Variants in DYRK1A observed in about 807,000 individuals in gnomAD.
DYRK1A encodes the protein dual specificity tyrosine-phosphorylation-regulated kinase 1A.
A neutral mutation model predicts 79.7 loss-of-function variants in DYRK1A; 9 were observed. The ratio of observed to expected loss-of-function variants is 0.11; its 90% CI spans 0.07 to 0.20. The LOEUF is 0.20. DYRK1A is among the 10% of genes least tolerant of loss of function. The pLI is 1.00. For missense variants in DYRK1A, 622 were observed against 956.0 expected (o/e 0.65, Z 4.61); for synonymous variants, 349 against 329.7 (o/e 1.06, Z -0.63).
chr21:37,414,750 C>T (rs73216447), intron 1 of DYRK1A, among the ~76,000 whole-genome samples: 11,465 of 152,028 alleles, frequency 0.075, 643 homozygotes, highest in Non-Finnish European at 0.11. Flanking sequence ...AGTTAGGTTC[C>T]CGAAAAGCTC....
intron 9 of DYRK1A, chr21:37,501,662 C>T (rs909969115): frequency 2.6e-5 from 4 of 152,140 alleles, no homozygotes; most frequent in African/African-American, 9.7e-5. Flanking sequence ...TGTTTTATGG[C>T]CTAGCATCTA....
chr21:37,449,899 A>G (rs1314179353), intron 2 of DYRK1A, among the ~76,000 whole-genome samples: 1 of 152,174 alleles, frequency 6.6e-6, no homozygotes, highest in Non-Finnish European at 1.5e-5. Flanking sequence ...AACAAATGTA[A>G]TGGAAGGCTA....
chr21:37,378,312 C>A (rs1272055499), intron 1 of DYRK1A, among the ~76,000 whole-genome samples: 1 of 152,194 alleles, frequency 6.6e-6, no homozygotes, highest in Non-Finnish European at 1.5e-5. Flanking sequence ...GTGGGCTGAT[C>A]ACCTGAGGTT....
intron 1 of DYRK1A, among the ~76,000 whole-genome samples, chr21:37,394,107 A>G (rs2049917476): frequency 6.6e-6 from 1 of 152,120 alleles, no homozygotes; most frequent in Non-Finnish European, 1.5e-5. Context: ...ACATGAACCA[A>G]GTCTCTTTCT....
chr21:37,450,518 T>C (rs1157175924), intron 2 of DYRK1A, among the ~76,000 whole-genome samples: 8 of 152,336 alleles, frequency 5.3e-5, no homozygotes, highest in East Asian at 3.9e-4. Flanking sequence ...AATAAATATT[T>C]AGTAAGTGCC....
chr21:37,480,158 TG>T (rs1437573510), intron 4 of DYRK1A, among the ~76,000 whole-genome samples: 2 of 152,186 alleles, frequency 1.3e-5, no homozygotes, highest in Non-Finnish European at 2.9e-5. Flanking sequence ...AATAAATTCA[TG>T]CAAGTTACAG....
At chr21:37,469,209 A>G (rs2052137382) in intron 2 of DYRK1A, among the ~76,000 whole-genome samples, 1 of 152,190 alleles carries the variant, frequency 6.6e-6, no homozygotes, top group Admixed American at 6.5e-5. Flanking sequence ...ATAAACTGCT[A>G]GTGGATAAAT....
chr21:37,493,242 T>C, intron 8 of DYRK1A, 79 bp downstream of exon 8: 1 of 1,450,652 alleles, frequency 6.9e-7, no homozygotes, highest in South Asian at 1.4e-5. Context: ...AATTTAAAAG[T>C]TGTTTTTAGG....
intron 2 of DYRK1A, among the ~76,000 whole-genome samples, chr21:37,433,153 A>G (rs1034132405): frequency 1.3e-5 from 2 of 151,744 alleles, no homozygotes; most frequent in African/African-American, 4.8e-5. Flanking sequence ...ACTTTTTGGT[A>G]CTTTCCTAAA....
At chr21:37,498,017 A>T (rs1233956719) in intron 9 of DYRK1A, among the ~76,000 whole-genome samples, 1 of 152,222 alleles carries the variant, frequency 6.6e-6, no homozygotes, top group Non-Finnish European at 1.5e-5. Flanking sequence ...TACAAATGGT[A>T]CACTAAGAAT....
At chr21:37,423,323 C>T (rs2050527698) in intron 2 of DYRK1A, among the ~76,000 whole-genome samples, 1 of 152,156 alleles carries the variant, frequency 6.6e-6, no homozygotes, top group Admixed American at 6.6e-5. Flanking sequence ...CCTCCTCCCC[C>T]ATTCAGTCCT....
In DYRK1A at chr21:37,477,731, T is replaced by A. The variant is rs117950500; in HGVS notation, c.208-477T>A. ...AATGGTGCTCTGCTGCCAGCCCCCT[T>A]TTTTGGTGCCAGCTGGGTCCTGAAA... On this transcript the variant is annotated intron_variant, in intron 3 of 11. Transcript: ENST00000647188. Among the ~76,000 whole-genome samples the A allele has an allele frequency of 2.2e-4, 33 of 152,228 alleles. 1 individual carries two copies. The East Asian group carries it at 5.8e-3, about 27-fold the overall frequency.
intron 1 of DYRK1A, among the ~76,000 whole-genome samples, chr21:37,413,810 A>G (rs1011740387): frequency 6.6e-6 from 1 of 152,148 alleles, no homozygotes; most frequent in African/African-American, 2.4e-5. Context: ...ACATAAAAGA[A>G]CATCCTTAAG....
intron 1 of DYRK1A, among the ~76,000 whole-genome samples, chr21:37,394,044 C>T (rs1235331760): frequency 6.6e-6 from 1 of 152,140 alleles, no homozygotes; most frequent in Non-Finnish European, 1.5e-5. Flanking sequence ...GGGGATTGTA[C>T]AAGGTGTGAA....
At chr21:37,406,484 C>G (rs1418289238) in intron 1 of DYRK1A, among the ~76,000 whole-genome samples, 4 of 152,050 alleles carry the variant, frequency 2.6e-5, no homozygotes, top group African/African-American at 7.2e-5. Context: ...TCACTTGAGA[C>G]CAGGAGTTTG....
At chr21:37,439,624 G>GTGCAGTGGTGTGA (rs2051031098) in intron 2 of DYRK1A, among the ~76,000 whole-genome samples, 1 of 152,182 alleles carries the variant, frequency 6.6e-6, no homozygotes, top group Admixed American at 6.5e-5. Context: ...TCTTATGAGA[G>GTGCAGTGGTGTGA]TCTAATGCCT....
At chr21:37,426,240 A>G (rs1185161847) in intron 2 of DYRK1A, among the ~76,000 whole-genome samples, 5 of 152,234 alleles carry the variant, frequency 3.3e-5, no homozygotes, top group African/African-American at 1.2e-4. Flanking sequence ...GAGAACTCTT[A>G]TTGAAGTCAG....
intron 1 of DYRK1A, among the ~76,000 whole-genome samples, chr21:37,403,402 T>C (rs2050087808): frequency 6.6e-6 from 1 of 152,056 alleles, no homozygotes; most frequent in Non-Finnish European, 1.5e-5. Flanking sequence ...TTTTCCCCCT[T>C]ATTGGATCAC....
intron 2 of DYRK1A, among the ~76,000 whole-genome samples, chr21:37,461,560 C>A (rs892054473): frequency 4.6e-5 from 7 of 152,110 alleles, no homozygotes. Context: ...TTTTTGAGGG[C>A]GGATCTACTG....
Sources: allele counts gnomAD v4.1 joint callset (sites outside exome capture counted in the v4.1 genomes callset), GRCh38; gene constraint gnomAD v4.1.1; transcripts MANE v1.5; gene names NCBI Gene and HGNC (gene_info 2026-07-23, HGNC 2026-07-21).